PTCHD4: variants seen among roughly 807,000 people sequenced by gnomAD.
The protein encoded by PTCHD4 is patched domain-containing protein 4.
PTCHD4 carries 33 observed loss-of-function variants against 58.1 expected under a neutral mutation model. That is an observed-to-expected ratio of 0.57 (90% CI 0.43 to 0.76). The LOEUF is 0.76. PTCHD4 is among the 30% of genes least tolerant of loss of function. The pLI is 0.00. For missense variants in PTCHD4, 1,058 were observed against 1,027.1 expected (o/e 1.03, Z -0.41); for synonymous variants, 478 against 409.6 (o/e 1.17, Z -2.02).
intron 4 of PTCHD4, among the ~76,000 whole-genome samples, chr6:47,913,516 G>A (rs1561953876): frequency 6.6e-6 from 1 of 152,036 alleles, no homozygotes; most frequent in Non-Finnish European, 1.5e-5. Flanking sequence ...TTGAGTAAAG[G>A]TTTTGCACTT....
intron 4 of PTCHD4, among the ~76,000 whole-genome samples, chr6:47,977,738 A>G (rs116642626): frequency 6.6e-6 from 1 of 152,354 alleles, no homozygotes; most frequent in Non-Finnish European, 1.5e-5. Flanking sequence ...ATTTCTTCTG[A>G]CAATAAAAGA....
chr6:47,916,504 C>T lies in PTCHD4; in HGVS notation c.899-36568G>A, dbSNP rs184202120. On this transcript the variant is annotated intron_variant, in intron 4 of 4. Transcript: ENST00000339488. ...TCCCCACCACCTACAAATAATCAGT[C>T]GATTAGGAAAATCTGCCCCCTTATC... Among the ~76,000 whole-genome samples, 297 of 152,114 alleles carry T rather than the reference C, an allele frequency of 2.0e-3. 2 individuals carry two copies. The highest frequency in any genetic ancestry group is 6.6e-3 in the African/African-American group (274 of 41,502).
intron 1 of PTCHD4, among the ~76,000 whole-genome samples, chr6:48,088,087 A>T (rs1765296762): frequency 6.6e-6 from 1 of 152,166 alleles, no homozygotes; most frequent in Non-Finnish European, 1.5e-5. Context: ...AGGTTACAAG[A>T]CCATCAATAA....
chr6:47,927,983 G>A (rs539098198), intron 4 of PTCHD4, among the ~76,000 whole-genome samples: 90 of 152,090 alleles, frequency 5.9e-4, no homozygotes, highest in Middle Eastern at 3.4e-3. Context: ...TTTTATAAAA[G>A]TTTGATAGAT....
intron 4 of PTCHD4, among the ~76,000 whole-genome samples, chr6:47,976,263 C>T (rs1482846150): frequency 1.3e-5 from 2 of 152,224 alleles, no homozygotes; most frequent in Non-Finnish European, 2.9e-5. Context: ...GTCTTCTCAG[C>T]ATCCTTTTCT....
rs572718843 is a variant in PTCHD4, at chr6:48,075,810, CT to C, written c.-969-5885del. ...ATTTAATATTTCAGCAAGTTGTAAT[CT>C]TTTTGCTGGTGGAAGGTCGTGCCTT... is the stretch of plus-strand genomic sequence containing the variant. On this transcript the variant is annotated intron_variant, in intron 1 of 4. Coordinates refer to ENST00000339488, the MANE Select transcript of PTCHD4 (RefSeq NM_001384253.1). Among the ~76,000 whole-genome samples the C allele has an allele frequency of 2.7e-3, 413 of 152,192 alleles. 2 individuals are homozygous for C. Among genetic ancestry groups the C allele is most frequent in the African/African-American group, 8.5e-3 (354 of 41,498 alleles).
At chr6:47,931,781 G>A (rs1004075865) in intron 4 of PTCHD4, among the ~76,000 whole-genome samples, 2 of 144,870 alleles carry the variant, frequency 1.4e-5, no homozygotes, top group Non-Finnish European at 3.2e-5. Flanking sequence ...CACAATAGCA[G>A]GGGTAATGAT....
chr6:48,081,795 G>C (rs542498610), intron 1 of PTCHD4, among the ~76,000 whole-genome samples: 1 of 152,286 alleles, frequency 6.6e-6, no homozygotes, highest in South Asian at 2.1e-4. Context: ...ATGATAGTCA[G>C]CAGAGAAACT....
chr6:47,966,541 G>T (rs913553797), intron 4 of PTCHD4, among the ~76,000 whole-genome samples: 7 of 152,138 alleles, frequency 4.6e-5, no homozygotes, highest in African/African-American at 1.4e-4. Flanking sequence ...TTCCATGAAA[G>T]ATTTTTTTGT....
At chr6:48,019,552 T>A (rs934831130) in intron 3 of PTCHD4, among the ~76,000 whole-genome samples, 1 of 152,076 alleles carries the variant, frequency 6.6e-6, no homozygotes, top group African/African-American at 2.4e-5. Context: ...CTGGCTAACA[T>A]GGTGAAACCC....
intron 1 of PTCHD4, among the ~76,000 whole-genome samples, chr6:48,099,540 A>G (rs938765572): frequency 3.3e-5 from 5 of 152,208 alleles, no homozygotes; most frequent in African/African-American, 1.2e-4. Flanking sequence ...AATCCTAGGA[A>G]TATTCTCTGA....
chr6:48,013,302 A>G (rs1266749760), intron 3 of PTCHD4, among the ~76,000 whole-genome samples: 1 of 151,936 alleles, frequency 6.6e-6, no homozygotes, highest in Non-Finnish European at 1.5e-5. Context: ...CTACATACTA[A>G]ATGAATACAA....
rs934626360 is a variant in PTCHD4 at position 47,861,130 on chromosome 6, A to T, written c.*17173T>A. Among the ~76,000 whole-genome samples the T allele has an allele frequency of 5.9e-5, 9 of 151,856 alleles. No homozygotes were observed. The highest frequency in any genetic ancestry group is 1.0e-4 in the Non-Finnish European group (7 of 67,886). Reference sequence around the variant, plus strand: ...GGAACTTGGCGTGAAGAAGGGCAAGATTGTTTTTCTCCATCTGTAGATGAA... The same window carrying T: ...GGAACTTGGCGTGAAGAAGGGCAAGTTTGTTTTTCTCCATCTGTAGATGAA... On this transcript the variant is annotated 3_prime_UTR_variant, in exon 5 of 5. Coordinates refer to ENST00000339488, the MANE Select transcript of PTCHD4 (RefSeq NM_001384253.1).
chr6:47,911,201 G>A (rs1561952696), intron 4 of PTCHD4, among the ~76,000 whole-genome samples: 1 of 152,096 alleles, frequency 6.6e-6, no homozygotes, highest in Non-Finnish European at 1.5e-5. Flanking sequence ...TGGAGAGCAA[G>A]GGGATAAAAA....
rs573206595 is a variant in PTCHD4 at position 48,043,956 on chromosome 6, C to T, written c.417+24274G>A. Among the ~76,000 whole-genome samples, 102 of 151,786 alleles carry T rather than the reference C, an allele frequency of 6.7e-4. 1 individual carries two copies. The highest frequency in any genetic ancestry group is 3.4e-3 in the Middle Eastern group (1 of 294). ...TGCCTGCAGTATATGAGAATTAGAA[C>T]GTAAAAACTGTGAAGTTTGCGGGGA... On this transcript the variant is annotated intron_variant, in intron 3 of 4. Transcript: ENST00000339488.
At chr6:47,924,270 T>C (rs1421124206) in intron 4 of PTCHD4, among the ~76,000 whole-genome samples, 1 of 151,816 alleles carries the variant, frequency 6.6e-6, no homozygotes, top group Non-Finnish European at 1.5e-5. Context: ...CATGACTACA[T>C]GGAAAAGCCC....
In PTCHD4 at chr6:47,864,133, A is replaced by C. The variant is rs1763496622; in HGVS notation, c.*14170T>G. On this transcript the variant is annotated 3_prime_UTR_variant, in exon 5 of 5. Coordinates refer to ENST00000339488, the MANE Select transcript of PTCHD4 (RefSeq NM_001384253.1). Reference sequence around the variant, plus strand: ...TCCTCAGACTAGTAGCATTAGCATCACCTGAAAACTTGTTAGAAATGTAAA... The same window carrying C: ...TCCTCAGACTAGTAGCATTAGCATCCCCTGAAAACTTGTTAGAAATGTAAA... Among the ~76,000 whole-genome samples the C allele has an allele frequency of 6.6e-6, 1 of 151,854 alleles. No individual in the cohort carries two copies. Among genetic ancestry groups the C allele is most frequent in the Non-Finnish European group, 1.5e-5 (1 of 67,908 alleles).
intron 1 of PTCHD4, among the ~76,000 whole-genome samples, chr6:48,095,536 T>C (rs1186963209): frequency 6.6e-6 from 1 of 151,742 alleles, no homozygotes; most frequent in Non-Finnish European, 1.5e-5. Context: ...ACAAAAAAAA[T>C]TAACCGGGTG....
chr6:48,052,410 G>A (rs185211920), intron 3 of PTCHD4, among the ~76,000 whole-genome samples: 21 of 151,804 alleles, frequency 1.4e-4, no homozygotes, highest in Admixed American at 2.6e-4. Flanking sequence ...AATAGCAATC[G>A]CTTGTTTTAA....
Sources: allele counts gnomAD v4.1 joint callset (sites outside exome capture counted in the v4.1 genomes callset), GRCh38; gene constraint gnomAD v4.1.1; transcripts MANE v1.5; gene names NCBI Gene and HGNC (gene_info 2026-07-23, HGNC 2026-07-21).